SLC41A3: variants seen among roughly 807,000 people sequenced by gnomAD.
The protein encoded by SLC41A3 is SLC41A1-like 2.
In SLC41A3, 44 loss-of-function variants were observed where a neutral mutation model predicts 45.4. That is an observed-to-expected ratio of 0.97 (90% CI 0.76 to 1.25). The LOEUF (loss-of-function observed/expected upper bound fraction) is 1.25, where lower values mean the gene tolerates loss of function less well. Ranked by LOEUF, SLC41A3 falls within the 50% of genes most tolerant of loss-of-function variation. The probability of loss-of-function intolerance (pLI) is 0.00; values close to 1 mark genes in which losing one functional copy is unlikely to be tolerated. For missense variants in SLC41A3, 550 were observed against 600.6 expected (o/e 0.92, Z 0.88); for synonymous variants, 256 against 252.4 (o/e 1.01, Z -0.13).
intron 1 of SLC41A3, among the ~76,000 whole-genome samples, chr3:126,100,868 TTCCTC>T (rs954104621): frequency 1.3e-5 from 2 of 152,326 alleles, no homozygotes; most frequent in Admixed American, 6.5e-5. Context: ...CACCACCACT[TTCCTC>T]TCAGCCCCCG....
At chr3:126,090,436 T>C (rs1381267909) in intron 1 of SLC41A3, among the ~76,000 whole-genome samples, 2 of 152,198 alleles carry the variant, frequency 1.3e-5, no homozygotes, top group Non-Finnish European at 2.9e-5. Flanking sequence ...CACTTGGCAG[T>C]AGATTTTGAC....
chr3:126,029,637 T>G (rs1941649847), intron 4 of SLC41A3, among the ~76,000 whole-genome samples: 1 of 152,166 alleles, frequency 6.6e-6, no homozygotes, highest in African/African-American at 2.4e-5. Flanking sequence ...CCCAAGTTAA[T>G]CCATGTAATT....
In SLC41A3 at chr3:126,006,429, A is replaced by G; in HGVS notation, c.*587T>C. On this transcript the variant is annotated 3_prime_UTR_variant, in exon 11 of 11. Transcript: ENST00000360370. Reference sequence around the variant, plus strand: ...AATCTAAATAGAGGTTTTTGCTAACAAACAAAAAGGAAAATAAAAAGACAG... The same window carrying G: ...AATCTAAATAGAGGTTTTTGCTAACGAACAAAAAGGAAAATAAAAAGACAG... The G allele has an allele frequency of 9.6e-7, 1 of 1,037,518 alleles. No homozygotes were observed. The highest frequency in any genetic ancestry group is 1.4e-6 in the Non-Finnish European group (1 of 738,720). The allele number at this position is 1,037,518 out of a possible 1,614,324, so 64.3% of individuals were successfully genotyped here. A position where few individuals can be genotyped will look rare whatever the true frequency, so the allele number is the denominator to read the frequency against.
chr3:126,077,641 A>G (rs757437390), intron 1 of SLC41A3, among the ~76,000 whole-genome samples: 1 of 152,174 alleles, frequency 6.6e-6, no homozygotes, highest in African/African-American at 2.4e-5. Flanking sequence ...AGTTTCAGGT[A>G]AGGAATGAGG....
intron 3 of SLC41A3, among the ~76,000 whole-genome samples, chr3:126,037,921 G>T: frequency 6.6e-6 from 1 of 152,100 alleles, no homozygotes; most frequent in East Asian, 1.9e-4. Context: ...CCAGGGCACT[G>T]CTTCCCTACA....
intron 2 of SLC41A3, among the ~76,000 whole-genome samples, chr3:126,059,449 G>A (rs1341906746): frequency 6.6e-6 from 1 of 152,056 alleles, no homozygotes; most frequent in African/African-American, 2.4e-5. Context: ...ATTGGATGAA[G>A]GAGTGCCCAT....
intron 6 of SLC41A3, among the ~76,000 whole-genome samples, chr3:126,019,431 A>G (rs1940633749): frequency 6.6e-6 from 1 of 152,150 alleles, no homozygotes. Flanking sequence ...GGTACCCCAA[A>G]TTCATGTCTT....
At chr3:126,021,394 T>C (rs1355748101) in intron 6 of SLC41A3, among the ~76,000 whole-genome samples, 1 of 152,128 alleles carries the variant, frequency 6.6e-6, no homozygotes, top group Non-Finnish European at 1.5e-5. Context: ...CAGAGGAAGG[T>C]CATATACCAG....
At chr3:126,074,614 G>A (rs1306864884) in intron 1 of SLC41A3, among the ~76,000 whole-genome samples, 1 of 152,012 alleles carries the variant, frequency 6.6e-6, no homozygotes, top group African/African-American at 2.4e-5. Context: ...GGAGGACGCA[G>A]GTCAATACAC....
intron 1 of SLC41A3, among the ~76,000 whole-genome samples, chr3:126,079,979 T>C (rs1441737604): frequency 6.6e-6 from 1 of 152,060 alleles, no homozygotes; most frequent in East Asian, 1.9e-4. Context: ...GAAAGGACAG[T>C]CTCCTCAATA....
chr3:126,063,303 CCT>C (rs1944167578), intron 2 of SLC41A3, among the ~76,000 whole-genome samples: 1 of 152,038 alleles, frequency 6.6e-6, no homozygotes, highest in African/African-American at 2.4e-5. Flanking sequence ...AGGAGTCACC[CCT>C]CCCTGGGCCT....
chr3:126,086,978 T>C (rs1038889954), upstream of SLC41A3, among the ~76,000 whole-genome samples: 1 of 152,170 alleles, frequency 6.6e-6, no homozygotes, highest in Non-Finnish European at 1.5e-5. Flanking sequence ...AAATATTTAA[T>C]AAATAAACTG....
At chr3:126,015,355 A>T (rs1189285310) in intron 8 of SLC41A3, 139 bp downstream of exon 8, 2 of 767,546 alleles carry the variant, frequency 2.6e-6, no homozygotes, top group Non-Finnish European at 4.4e-6. Flanking sequence ...CCTGTAAGGC[A>T]GCAGTCTGTC....
chr3:126,094,822 G>A (rs931588562), intron 1 of SLC41A3, among the ~76,000 whole-genome samples: 1 of 152,146 alleles, frequency 6.6e-6, no homozygotes, highest in Non-Finnish European at 1.5e-5. Flanking sequence ...TGTAATTAAG[G>A]TATTGACTGT....
intron 1 of SLC41A3, among the ~76,000 whole-genome samples, chr3:126,079,640 T>C (rs770252357): frequency 3.3e-5 from 5 of 152,206 alleles, no homozygotes; most frequent in Non-Finnish European, 7.3e-5. Context: ...AGAATTTCAA[T>C]GAAAATGACA....
At chr3:126,019,876 G>A (rs1242554866) in intron 6 of SLC41A3, among the ~76,000 whole-genome samples, 1 of 151,940 alleles carries the variant, frequency 6.6e-6, no homozygotes, top group Non-Finnish European at 1.5e-5. Flanking sequence ...CGGGAGTCCT[G>A]CTTCCATGGC....
intron 1 of SLC41A3, among the ~76,000 whole-genome samples, chr3:126,098,765 A>G (rs977120112): frequency 9.9e-5 from 15 of 152,026 alleles, no homozygotes; most frequent in African/African-American, 2.2e-4. Context: ...ATCTTTCCCA[A>G]ATGGATTCCA....
intron 4 of SLC41A3, among the ~76,000 whole-genome samples, chr3:126,027,482 C>T (rs987460654): frequency 8.5e-5 from 13 of 152,086 alleles, no homozygotes; most frequent in South Asian, 2.1e-4. Context: ...CCTGTGGAAC[C>T]GTAAGCCAAT....
intron 1 of SLC41A3, 90 bp from the exon 2 acceptor site, chr3:126,068,336 G>A: frequency 7.9e-7 from 1 of 1,264,352 alleles, no homozygotes; most frequent in Non-Finnish European, 1.0e-6. Flanking sequence ...TCCAGCCCCA[G>A]GCCGGCATGG....
Sources: allele counts gnomAD v4.1 joint callset (sites outside exome capture counted in the v4.1 genomes callset), GRCh38; gene constraint gnomAD v4.1.1; transcripts MANE v1.5; gene names NCBI Gene and HGNC (gene_info 2026-07-23, HGNC 2026-07-21).